DNHD1: variants seen among roughly 807,000 people sequenced by gnomAD.
The protein encoded by DNHD1 is dynein heavy chain domain 1.
A neutral mutation model predicts 458.1 loss-of-function variants in DNHD1; 383 were observed. That is an observed-to-expected ratio of 0.84 (90% CI 0.77 to 0.91). DNHD1 has a LOEUF of 0.91. DNHD1 is among the 40% of genes least tolerant of loss of function. DNHD1 has a pLI of 0.00. For missense variants in DNHD1, 5,336 were observed against 5,866.1 expected (o/e 0.91, Z 2.95); for synonymous variants, 2,203 against 2,376.9 (o/e 0.93, Z 2.13).
chr11:6,558,199 C>A lies in DNHD1; in HGVS notation c.8904C>A (p.Gly2968=), dbSNP rs375721971. The A allele has an allele frequency of 5.5e-5, 86 of 1,551,726 alleles. No individual in the cohort carries two copies. In the African/African-American group the frequency reaches 7.7e-4, roughly 14 times the overall value. ...LALATSGSFP[G]QYTEADLDRI... ...TGGCAACCTCAGGCAGTTTCCCTGG[C>A]CAGTACACAGAAGCAGATTTGGACC... Residue 2968 remains glycine (G), a synonymous_variant, in exon 25 of 43, where the codon GGC becomes GGA. Coordinates refer to ENST00000254579, the MANE Select transcript of DNHD1 (RefSeq NM_144666.3).
chr11:6,544,022 G>A (rs1290729338), intron 18 of DNHD1, 99 bp from the exon 19 acceptor site: 2 of 836,596 alleles, frequency 2.4e-6, no homozygotes, highest in Admixed American at 5.1e-5. Flanking sequence ...CAGGGTCTCT[G>A]TAACTGCCTC....
In DNHD1 at chr11:6,558,531, G is replaced by C; in HGVS notation, c.9049G>C (p.Gly3017Arg). The change falls in exon 26 of 43, where the codon GGA becomes CGA. Residue 3017 changes from glycine to arginine, a missense_variant. Physicochemically the swap from Gly to Arg is moderately radical, Grantham distance 125. This residue lies in a region of DNHD1 where 3,932 missense variants were observed against 4,365.6 expected (regional missense o/e 0.90). Coordinates refer to ENST00000254579, the MANE Select transcript of DNHD1 (RefSeq NM_144666.3). ...CSHLHLFFLI[G>R]DKQAHKQLPS... ...CCACCTTCACCTGTTCTTCCTGATT[G>C]GAGATAAACAGGCCCACAAGCAGCT... 1 of 1,551,722 alleles carries C rather than the reference G, an allele frequency of 6.4e-7. No homozygotes were observed.
At position 6,544,566 on chromosome 11, in the gene DNHD1, T is replaced by C; in HGVS notation, c.3755-8T>C. 2 of 1,550,180 alleles carry C rather than the reference T, an allele frequency of 1.3e-6. No individual in the cohort carries two copies. Among genetic ancestry groups the C allele is most frequent in the Non-Finnish European group, 1.7e-6 (2 of 1,145,808 alleles). ...TTCCCACCAGCATTCCTCTGGCTGC[T>C]TACACAGGTGCCCTGCTGGAGGTGT... is the stretch of plus-strand genomic sequence containing the variant. On this transcript the variant is annotated splice_region_variant and splice_polypyrimidine_tract_variant and intron_variant, in intron 19 of 42. Coordinates refer to ENST00000254579, the MANE Select transcript of DNHD1 (RefSeq NM_144666.3).
Position 6,533,772 on chromosome 11 carries a change from T to C in DNHD1, c.2597T>C (p.Leu866Pro). 1 of 1,551,316 alleles carries C rather than the reference T, an allele frequency of 6.4e-7. No individual in the cohort carries two copies. Among genetic ancestry groups the C allele is most frequent in the Non-Finnish European group, 8.7e-7 (1 of 1,146,924 alleles). Residue 866 changes from leucine to proline, a missense_variant, in exon 14 of 43, where the codon CTC becomes CCC. Coordinates refer to ENST00000254579, the MANE Select transcript of DNHD1 (RefSeq NM_144666.3). ...LHELIRNHFS[L>P]FSAENEALDI... ...GAACTCATCCGCAACCACTTTAGCC[T>C]CTTTAGTGCTGAGAATGAAGCACTG...
intron 18 of DNHD1, 53 bp downstream of exon 18, chr11:6,540,136 C>A (rs1459324044): frequency 2.7e-6 from 4 of 1,471,332 alleles, no homozygotes; most frequent in South Asian, 2.4e-5. Flanking sequence ...GGGCCATTTT[C>A]ATCCACCATA....
rs1314074998 is a variant in DNHD1, at chr11:6,533,761, C to T, written c.2586C>T (p.Asn862=). ...GGGCACTCCACGAACTCATCCGCAA[C>T]CACTTTAGCCTCTTTAGTGCTGAGA... ...YVRALHELIR[N]HFSLFSAENE... Residue 862 remains asparagine (N), a synonymous_variant, in exon 14 of 43, where the codon AAC becomes AAT. Transcript: ENST00000254579. 1 of 1,551,360 alleles carries T rather than the reference C, an allele frequency of 6.4e-7. No homozygotes were observed. The highest frequency in any genetic ancestry group is 1.4e-5 in the African/African-American group (1 of 72,944).
intron 10 of DNHD1, among the ~76,000 whole-genome samples, chr11:6,524,569 T>C (rs1852670849): frequency 6.6e-6 from 1 of 152,126 alleles, no homozygotes; most frequent in Non-Finnish European, 1.5e-5. Flanking sequence ...AGACAAGGAG[T>C]ATGATTGATT....
chr11:6,563,149 C>A lies in DNHD1; in HGVS notation c.9669+18C>A. The A allele has an allele frequency of 6.4e-7, 1 of 1,551,650 alleles. No individual in the cohort carries two copies. The highest frequency in any genetic ancestry group is 1.2e-5 in the South Asian group (1 of 84,046). ...TGGAGCAGGTGGGCTCTTCCTGCCG[C>A]CTGCCCTGCACTGCTCCTCTCTCAA... On this transcript the variant is annotated intron_variant, in intron 29 of 42. Coordinates refer to ENST00000254579, the MANE Select transcript of DNHD1 (RefSeq NM_144666.3).
chr11:6,498,413 A>T lies in DNHD1; in HGVS notation c.198A>T (p.Arg66=), dbSNP rs894731107. ...TVLELLLAEL[R]TLFSAVLQDS... is the part of the protein sequence containing the mutation. ...TGGAACTCCTGCTAGCTGAGCTCCG[A>T]ACTCTGTTCTCAGCTGTGTTGCAGG... Residue 66 remains arginine, a synonymous_variant, in exon 3 of 43, where the codon CGA becomes CGT. Transcript: ENST00000254579. The T allele has an allele frequency of 3.1e-6, 5 of 1,614,070 alleles. No individual in the cohort carries two copies. In the African/African-American group the frequency reaches 5.3e-5, roughly 17 times the overall value.
intron 7 of DNHD1, among the ~76,000 whole-genome samples, chr11:6,516,377 A>C (rs1483318723): frequency 2.7e-5 from 4 of 147,720 alleles, no homozygotes; most frequent in Non-Finnish European, 5.9e-5. Flanking sequence ...GGCTCACTGC[A>C]ACCTCTGCCT....
chr11:6,557,171 G>C lies in DNHD1; in HGVS notation c.7876G>C (p.Val2626Leu). ...CAACCACCAGGAGCACTTGCGCCGG[G>C]TGTCAGGCCTGCGAGGCACTTGTCT... Reference protein sequence around the residue: ...YPNHQEHLRRVSGLRGTCLTV... With the variant: ...YPNHQEHLRRLSGLRGTCLTV... Residue 2626 changes from valine to leucine, a missense_variant, in exon 25 of 43, where the codon GTG becomes CTG. Coordinates refer to ENST00000254579, the MANE Select transcript of DNHD1 (RefSeq NM_144666.3). 1 of 1,551,754 alleles carries C rather than the reference G, an allele frequency of 6.4e-7. No homozygotes were observed. Among genetic ancestry groups the C allele is most frequent in the Non-Finnish European group, 8.7e-7 (1 of 1,147,010 alleles).
intron 10 of DNHD1, 86 bp from the exon 11 acceptor site, chr11:6,528,436 T>TGTG: frequency 3.4e-6 from 4 of 1,160,184 alleles, no homozygotes; most frequent in Non-Finnish European, 4.8e-6. Flanking sequence ...TGTGTGTGTG[T>TGTG]ACACACACTG....
intron 7 of DNHD1, among the ~76,000 whole-genome samples, chr11:6,517,725 G>A (rs1190641008): frequency 8.6e-6 from 1 of 115,616 alleles, no homozygotes; most frequent in Non-Finnish European, 1.6e-5. Flanking sequence ...GAGACCTCAT[G>A]ATCTAATCAC....
chr11:6,498,319 C>CCTTAA lies in DNHD1; in HGVS notation c.107_108insAACTT (p.Ala37ThrfsTer12). 1 of 1,614,206 alleles carries CCTTAA rather than the reference C, an allele frequency of 6.2e-7. No individual in the cohort carries two copies. The highest frequency in any genetic ancestry group is 8.5e-7 in the Non-Finnish European group (1 of 1,180,036). On this transcript the variant is annotated frameshift_variant, in exon 3 of 43. Coordinates refer to ENST00000254579, the MANE Select transcript of DNHD1 (RefSeq NM_144666.3). LOFTEE classifies it high-confidence loss of function. ...TGTGTCTTGGACAGCAAAGAACAGC[C>CCTTAA]CTTGGCCTGCCAGCAGAAACAGAGG...
In DNHD1 at chr11:6,558,929, C is replaced by T; in HGVS notation, c.9239C>T (p.Ala3080Val). 2 of 1,551,672 alleles carry T rather than the reference C, an allele frequency of 1.3e-6. No homozygotes were observed. Among genetic ancestry groups the T allele is most frequent in the Non-Finnish European group, 1.7e-6 (2 of 1,147,004 alleles). Reference sequence around the variant, plus strand: ...TCCTGGAAGTACCCAGACCTCCAGGCCTCAATTCCCAGTGTGGCCAAAGCC... The same window carrying T: ...TCCTGGAAGTACCCAGACCTCCAGGTCTCAATTCCCAGTGTGGCCAAAGCC... ...DGSWKYPDLQ[A>V]SIPSVAKAMA... The change falls in exon 27 of 43, where the codon GCC (alanine) becomes GTC (valine). Residue 3080 changes from alanine (A) to valine (V), a missense_variant. This residue lies in a region of DNHD1 where 3,932 missense variants were observed against 4,365.6 expected (regional missense o/e 0.90). Coordinates refer to ENST00000254579, the MANE Select transcript of DNHD1 (RefSeq NM_144666.3).
At position 6,531,814 on chromosome 11, in the gene DNHD1, A is replaced by G. The variant is rs567167338; in HGVS notation, c.2348-1213A>G. Among the ~76,000 whole-genome samples the G allele has an allele frequency of 4.6e-5, 7 of 152,352 alleles. No individual in the cohort carries two copies. The East Asian group carries it at 1.3e-3, about 29-fold the overall frequency. ...TTACTTACTAGTTGCAGAGATGCTA[A>G]TAGAGGATCGGTCAGTTTACTTTGC... On this transcript the variant is annotated intron_variant, in intron 12 of 42. Coordinates refer to ENST00000254579, the MANE Select transcript of DNHD1 (RefSeq NM_144666.3).
chr11:6,518,183 C>A lies in DNHD1; in HGVS notation c.1393-1417C>A, dbSNP rs186032166. On this transcript the variant is annotated intron_variant, in intron 7 of 42. Transcript: ENST00000254579. Reference sequence around the variant, plus strand: ...AGGTGATCCTCCCACCTCAGCCTCCCGAGTAGCTGGGACTACAGCAGTTGA... The same window carrying A: ...AGGTGATCCTCCCACCTCAGCCTCCAGAGTAGCTGGGACTACAGCAGTTGA... Among the ~76,000 whole-genome samples the A allele has an allele frequency of 3.0e-4, 45 of 152,258 alleles. 1 individual carries two copies. The highest frequency in any genetic ancestry group is 9.9e-4 in the African/African-American group (41 of 41,538).
intron 32 of DNHD1, among the ~76,000 whole-genome samples, chr11:6,565,167 T>C (rs993125559): frequency 6.6e-6 from 1 of 152,160 alleles, no homozygotes; most frequent in African/African-American, 2.4e-5. Context: ...GAATAGAGTG[T>C]TTATTCCCCA....
chr11:6,521,204 T>G (rs1480742814), intron 10 of DNHD1, among the ~76,000 whole-genome samples: 1 of 152,220 alleles, frequency 6.6e-6, no homozygotes, highest in Non-Finnish European at 1.5e-5. Context: ...TTAAAAGAGA[T>G]AATATGTCTA....
Sources: allele counts gnomAD v4.1 joint callset (sites outside exome capture counted in the v4.1 genomes callset), GRCh38; gene constraint gnomAD v4.1.1; regional missense constraint gnomAD v4.1.1; transcripts MANE v1.5; gene names NCBI Gene and HGNC (gene_info 2026-07-23, HGNC 2026-07-21).